NKAIN3: variants seen among roughly 807,000 people sequenced by gnomAD.
NKAIN3 encodes sodium/potassium transporting ATPase interacting 3, also known as sodium/potassium-transporting ATPase subunit beta-1-interacting protein 3.
NKAIN3 carries 25 observed loss-of-function variants against 30.2 expected under a neutral mutation model. That is an observed-to-expected ratio of 0.83 (90% CI 0.60 to 1.16). The LOEUF is 1.16. Ranked by LOEUF, NKAIN3 falls within the 50% of genes most tolerant of loss-of-function variation. The probability of loss-of-function intolerance (pLI) is 0.00; values close to 1 mark genes in which losing one functional copy is unlikely to be tolerated. For missense variants in NKAIN3, 225 were observed against 254.1 expected (o/e 0.89, Z 0.78); for synonymous variants, 91 against 89.6 (o/e 1.02, Z -0.09).
At chr8:62,748,254 G>A (rs1241960424) in intron 4 of NKAIN3, among the ~76,000 whole-genome samples, 1 of 152,024 alleles carries the variant, frequency 6.6e-6, no homozygotes, top group Non-Finnish European at 1.5e-5. Flanking sequence ...AGCTTTGCTG[G>A]GACTGGAATG....
intron 3 of NKAIN3, among the ~76,000 whole-genome samples, chr8:62,676,553 A>G (rs1251086709): frequency 6.6e-6 from 1 of 152,214 alleles, no homozygotes; most frequent in Non-Finnish European, 1.5e-5. Flanking sequence ...TCCGCGACAG[A>G]GCAAGACTCC....
intron 1 of NKAIN3, among the ~76,000 whole-genome samples, chr8:62,523,145 T>A (rs929266626): frequency 3.3e-5 from 5 of 152,146 alleles, no homozygotes; most frequent in Admixed American, 6.6e-5. Context: ...TCTGTTTATA[T>A]ACACAAATAC....
At chr8:62,708,421 C>A (rs1000835941) in intron 3 of NKAIN3, among the ~76,000 whole-genome samples, 2 of 152,016 alleles carry the variant, frequency 1.3e-5, no homozygotes, top group Non-Finnish European at 2.9e-5. Flanking sequence ...TTGTAATTTT[C>A]TTCATAGAAG....
chr8:62,272,230 C>G (rs1286146781), intron 1 of NKAIN3, among the ~76,000 whole-genome samples: 1 of 152,084 alleles, frequency 6.6e-6, no homozygotes, highest in African/African-American at 2.4e-5. Flanking sequence ...GATTCTTAAC[C>G]CAGGGCAGCA....
At chr8:62,770,460 T>C (rs941415965) in intron 4 of NKAIN3, among the ~76,000 whole-genome samples, 2 of 152,206 alleles carry the variant, frequency 1.3e-5, no homozygotes, top group Non-Finnish European at 2.9e-5. Flanking sequence ...TACCAGCAGA[T>C]CCAGTGTCTC....
chr8:62,381,403 G>A (rs748728458), intron 1 of NKAIN3, among the ~76,000 whole-genome samples: 3 of 152,042 alleles, frequency 2.0e-5, no homozygotes, highest in Non-Finnish European at 4.4e-5. Flanking sequence ...ATAAAGGGAT[G>A]CCCTTTACTA....
chr8:62,783,235 G>T (rs1480124), intron 4 of NKAIN3, among the ~76,000 whole-genome samples: 130,795 of 152,014 alleles, frequency 0.86, 56,387 homozygotes, highest in Admixed American at 0.9. Context: ...TTTTAGTAAG[G>T]GATTAAGTCA....
intron 3 of NKAIN3, among the ~76,000 whole-genome samples, chr8:62,734,661 A>G (rs1463399199): frequency 6.6e-6 from 1 of 152,232 alleles, no homozygotes; most frequent in African/African-American, 2.4e-5. Flanking sequence ...CCAAGAGAGA[A>G]TACAGTCACG....
chr8:62,869,747 T>C (rs926963495), intron 4 of NKAIN3, among the ~76,000 whole-genome samples: 1 of 151,966 alleles, frequency 6.6e-6, no homozygotes, highest in Non-Finnish European at 1.5e-5. Context: ...CCGTTTTTTT[T>C]CCTTTGTTTG....
chr8:62,903,555 G>A (rs1821675152), intron 4 of NKAIN3, among the ~76,000 whole-genome samples: 1 of 152,182 alleles, frequency 6.6e-6, no homozygotes, highest in Middle Eastern at 3.4e-3. Context: ...CATAGAAAAA[G>A]AAATGTGGCC....
intron 1 of NKAIN3, among the ~76,000 whole-genome samples, chr8:62,409,198 T>A (rs999305633): frequency 1.3e-5 from 2 of 152,178 alleles, no homozygotes; most frequent in Non-Finnish European, 2.9e-5. Flanking sequence ...TTTTTGTTGT[T>A]TTTGAGATGG....
chr8:62,922,215 A>G (rs376485539), intron 5 of NKAIN3, among the ~76,000 whole-genome samples: 1 of 152,216 alleles, frequency 6.6e-6, no homozygotes, highest in Admixed American at 6.5e-5. Flanking sequence ...AAGCGTAACT[A>G]TCGGAAAAAC....
At chr8:62,951,165 G>A (rs984198025) in intron 5 of NKAIN3, among the ~76,000 whole-genome samples, 48 of 152,072 alleles carry the variant, frequency 3.2e-4, no homozygotes, top group African/African-American at 1.1e-3. Context: ...AGGTGGGTGT[G>A]TGAGAGGCAC....
rs926183398 is a variant in NKAIN3, at chr8:62,976,918, A to T, written c.*11511A>T. The stretch of plus-strand genomic sequence containing the variant: ...CTCAGCATTTGCTTGTCTGTAAAGG[A>T]TTTTATTTCTCCTTCACTTGTGAAG... On this transcript the variant is annotated 3_prime_UTR_variant, in exon 7 of 7. Coordinates refer to ENST00000623646, the MANE Select transcript of NKAIN3 (RefSeq NM_001304533.3). Among the ~76,000 whole-genome samples the T allele has an allele frequency of 6.6e-6, 1 of 152,128 alleles. No homozygotes were observed. The highest frequency in any genetic ancestry group is 2.4e-5 in the African/African-American group (1 of 41,414).
intron 1 of NKAIN3, among the ~76,000 whole-genome samples, chr8:62,479,670 C>A (rs1806647854): frequency 6.6e-6 from 1 of 152,122 alleles, no homozygotes; most frequent in South Asian, 2.1e-4. Flanking sequence ...CAACAGGAAC[C>A]TTTCAAAGGT....
At chr8:62,321,486 G>A (rs1174488884) in intron 1 of NKAIN3, among the ~76,000 whole-genome samples, 2 of 152,114 alleles carry the variant, frequency 1.3e-5, no homozygotes, top group Non-Finnish European at 2.9e-5. Flanking sequence ...TTTGATGATG[G>A]TGACGTACAG....
chr8:62,968,128 C>G lies in NKAIN3; in HGVS notation c.*2721C>G, dbSNP rs943666902. 4.6e-5 allele frequency among the ~76,000 whole-genome samples: 7 copies of G among 152,170 alleles called. No homozygotes were observed. Among genetic ancestry groups the G allele is most frequent in the African/African-American group, 1.7e-4 (7 of 41,442 alleles). On this transcript the variant is annotated 3_prime_UTR_variant, in exon 7 of 7. Coordinates refer to ENST00000623646, the MANE Select transcript of NKAIN3 (RefSeq NM_001304533.3). ...CTGGATATTTGCCACTCATCAGAAACAAGTTAGATTGATCTGCCACCTCCT... is the reference window on the plus strand; with the variant it reads ...CTGGATATTTGCCACTCATCAGAAAGAAGTTAGATTGATCTGCCACCTCCT...
chr8:62,542,654 T>G (rs1367681786), intron 1 of NKAIN3, among the ~76,000 whole-genome samples: 2 of 152,120 alleles, frequency 1.3e-5, no homozygotes, highest in East Asian at 3.9e-4. Context: ...TAATTTGTAA[T>G]TACTCACGCA....
At chr8:62,752,232 A>G (rs560435966) in intron 4 of NKAIN3, among the ~76,000 whole-genome samples, 117 of 152,312 alleles carry the variant, frequency 7.7e-4, no homozygotes, top group Non-Finnish European at 1.2e-3. Flanking sequence ...TGCAGGGCAT[A>G]GCACAGAAGC....
Sources: allele counts gnomAD v4.1 joint callset (sites outside exome capture counted in the v4.1 genomes callset), GRCh38; gene constraint gnomAD v4.1.1; transcripts MANE v1.5; gene names NCBI Gene and HGNC (gene_info 2026-07-23, HGNC 2026-07-21).